Variants in MDGA2 observed in about 807,000 individuals in gnomAD.
The protein encoded by MDGA2 is MAM domain-containing glycosylphosphatidylinositol anchor protein 2.
A neutral mutation model predicts 117.8 loss-of-function variants in MDGA2; 40 were observed. The ratio of observed to expected loss-of-function variants is 0.34; its 90% CI spans 0.26 to 0.44. The LOEUF (loss-of-function observed/expected upper bound fraction) is 0.44. MDGA2 is among the 20% of genes least tolerant of loss of function. The probability of loss-of-function intolerance (pLI) is 1.00; values close to 1 mark genes in which losing one functional copy is unlikely to be tolerated. For synonymous variants in MDGA2, 452 were observed against 439.0 expected (o/e 1.03, Z -0.37); for missense variants, 1,123 against 1,250.6 (o/e 0.90, Z 1.54).
At chr14:47,290,052 A>G (rs72682125) in intron 2 of MDGA2, among the ~76,000 whole-genome samples, 13,838 of 152,116 alleles carry the variant, frequency 0.091, 774 homozygotes, top group Non-Finnish European at 0.11. Context: ...CAAACGTAAA[A>G]TGCTTAGATT....
chr14:47,674,758 G>A lies in MDGA2; in HGVS notation c.39C>T (p.Arg13=). 1.4e-6 allele frequency: 1 copy of A among 706,856 alleles called. No individual in the cohort carries two copies. The highest frequency in any genetic ancestry group is 2.1e-5 in the Admixed American group (1 of 46,820). The allele number at this position is 706,856 out of a possible 1,614,324, so 43.8% of individuals were successfully genotyped here. A position where few individuals can be genotyped will look rare whatever the true frequency, so the allele number is the denominator to read the frequency against. The change falls in exon 1 of 17, where the codon CGC becomes CGT. Residue 13 remains arginine, a synonymous_variant. Coordinates refer to ENST00000399232, the MANE Select transcript of MDGA2 (RefSeq NM_001113498.3). ...CGTCTGTCCTTCCCCGGCGGCGGCG[G>A]CGAGCGGAGCGCAGGAGCCCCGCAC... ...VWSAGLLRSA[R]RRRRGRTDGR...
At chr14:47,434,505 A>T (rs1892859785) in intron 1 of MDGA2, among the ~76,000 whole-genome samples, 1 of 152,124 alleles carries the variant, frequency 6.6e-6, no homozygotes, top group African/African-American at 2.4e-5. Flanking sequence ...CTAATTCTAG[A>T]CTATTTCTCT....
intron 9 of MDGA2, among the ~76,000 whole-genome samples, chr14:46,947,723 C>T (rs1158709535): frequency 6.6e-5 from 10 of 151,996 alleles, no homozygotes; most frequent in Admixed American, 1.3e-4. Context: ...TCCCCAGCTA[C>T]GGAACTGTAA....
At chr14:46,919,880 G>C (rs201592327) in intron 10 of MDGA2, 132 bp downstream of exon 10, 2 of 679,520 alleles carry the variant, frequency 2.9e-6, no homozygotes, top group East Asian at 3.2e-5. Context: ...ATATCTATCT[G>C]TCTATCTATA....
chr14:46,851,965 C>G (rs1180412787), intron 15 of MDGA2, among the ~76,000 whole-genome samples: 1 of 150,538 alleles, frequency 6.6e-6, no homozygotes, highest in Non-Finnish European at 1.5e-5. Flanking sequence ...TGAAACGAGA[C>G]AAAAACAACA....
intron 7 of MDGA2, among the ~76,000 whole-genome samples, chr14:47,039,246 C>A (rs887606671): frequency 1.3e-5 from 2 of 152,164 alleles, no homozygotes; most frequent in African/African-American, 2.4e-5. Context: ...TTCCAAAAGT[C>A]TTTCAAGCCT....
intron 10 of MDGA2, among the ~76,000 whole-genome samples, chr14:46,897,008 AG>A (rs1883102410): frequency 1.3e-5 from 2 of 152,168 alleles, no homozygotes; most frequent in Admixed American, 1.3e-4. Flanking sequence ...TATATCCAGT[AG>A]GGTTCTTTGT....
At chr14:47,486,633 G>T (rs904877288) in intron 1 of MDGA2, among the ~76,000 whole-genome samples, 2 of 152,164 alleles carry the variant, frequency 1.3e-5, no homozygotes, top group African/African-American at 4.8e-5. Flanking sequence ...AATCCCACAT[G>T]TGGAAGGGAC....
chr14:47,345,248 T>C (rs1278694851), intron 1 of MDGA2, among the ~76,000 whole-genome samples: 1 of 152,046 alleles, frequency 6.6e-6, no homozygotes, highest in Non-Finnish European at 1.5e-5. Context: ...TTCGATTTTA[T>C]CCAATCTGGA....
At chr14:46,994,172 G>C (rs554728537) in intron 8 of MDGA2, among the ~76,000 whole-genome samples, 3 of 152,118 alleles carry the variant, frequency 2.0e-5, no homozygotes, top group Non-Finnish European at 4.4e-5. Context: ...TCACAAATCA[G>C]TGCTCGGAAG....
At chr14:47,369,637 C>T (rs1276795905) in intron 1 of MDGA2, among the ~76,000 whole-genome samples, 1 of 152,074 alleles carries the variant, frequency 6.6e-6, no homozygotes. Context: ...AAATGATGCT[C>T]ACTAGCATTT....
intron 3 of MDGA2, among the ~76,000 whole-genome samples, chr14:47,169,832 T>G (rs933630553): frequency 2.4e-4 from 36 of 152,040 alleles, no homozygotes; most frequent in African/African-American, 8.2e-4. Flanking sequence ...TACTACTGAT[T>G]AAAGGTTTTT....
chr14:46,968,584 G>A (rs1357146090), intron 8 of MDGA2, among the ~76,000 whole-genome samples: 7 of 151,816 alleles, frequency 4.6e-5, no homozygotes, highest in African/African-American at 2.4e-5. Flanking sequence ...CTGTAATCCC[G>A]GCACTTTGGG....
chr14:47,322,167 G>C (rs867385931), intron 1 of MDGA2, among the ~76,000 whole-genome samples: 2 of 152,118 alleles, frequency 1.3e-5, no homozygotes, highest in Non-Finnish European at 2.9e-5. Context: ...TATCAGTGGA[G>C]AAACAGACTA....
intron 1 of MDGA2, among the ~76,000 whole-genome samples, chr14:47,372,598 T>A (rs1236912537): frequency 6.6e-6 from 1 of 151,946 alleles, no homozygotes; most frequent in Non-Finnish European, 1.5e-5. Context: ...ACAGTTACTC[T>A]CCTGAATTAT....
At chr14:47,152,291 G>A (rs1342508353) in intron 3 of MDGA2, among the ~76,000 whole-genome samples, 1 of 152,074 alleles carries the variant, frequency 6.6e-6, no homozygotes, top group East Asian at 1.9e-4. Flanking sequence ...TACTTGCCCA[G>A]TTTTACTTTG....
chr14:47,045,124 C>CA (rs577445116), intron 7 of MDGA2, among the ~76,000 whole-genome samples: 19 of 152,250 alleles, frequency 1.2e-4, no homozygotes, highest in Non-Finnish European at 2.8e-4. Context: ...AATAGAAAAT[C>CA]ATTCTCTGCA....
In MDGA2 at chr14:46,941,133, C is replaced by A. The variant is rs1884986412; in HGVS notation, c.2089+16241G>T. Among the ~76,000 whole-genome samples, 3 of 152,166 alleles carry A rather than the reference C, an allele frequency of 2.0e-5. No individual in the cohort carries two copies. In the South Asian group the frequency reaches 6.2e-4, roughly 32 times the overall value. ...TATCACCTTGCAAGGAATCACTGGA[C>A]TGGATCTGACTGCAAAGCAGGTATC... is the stretch of plus-strand genomic sequence containing the variant. On this transcript the variant is annotated intron_variant, in intron 9 of 16. Transcript: ENST00000399232.
chr14:47,163,072 T>C (rs183565327), intron 3 of MDGA2, among the ~76,000 whole-genome samples: 262 of 152,334 alleles, frequency 1.7e-3, no homozygotes, highest in African/African-American at 4.7e-3. Flanking sequence ...ATTGATAGGT[T>C]ATTCTTCTTT....
Sources: gnomAD v4.1 joint callset for allele counts (sites outside exome capture counted in the v4.1 genomes callset) on GRCh38, gnomAD v4.1.1 for gene constraint, MANE v1.5 for transcripts, NCBI Gene and HGNC (gene_info 2026-07-23, HGNC 2026-07-21) for gene names.